Variants in LRRC4C observed in about 807,000 individuals in gnomAD.
LRRC4C encodes the protein leucine rich repeat containing 4C, also known as leucine-rich repeat-containing protein 4C.
LRRC4C carries 5 observed loss-of-function variants against 33.6 expected under a neutral mutation model. That is an observed-to-expected ratio of 0.15 (90% confidence interval 0.08 to 0.31). The LOEUF is 0.31. Ranked by LOEUF, LRRC4C falls within the 10% of genes least tolerant of loss-of-function variation. The pLI is 1.00. For synonymous variants in LRRC4C, 329 were observed against 302.0 expected (o/e 1.09, Z -0.93); for missense variants, 560 against 796.7 (o/e 0.70, Z 3.58).
chr11:40,901,595 T>G (rs972482012), intron 2 of LRRC4C, among the ~76,000 whole-genome samples: 4 of 152,076 alleles, frequency 2.6e-5, no homozygotes, highest in Admixed American at 1.3e-4. Context: ...GTTATTACCC[T>G]TATTAAATCC....
chr11:40,143,127 T>C (rs1407027975), intron 5 of LRRC4C, among the ~76,000 whole-genome samples: 2 of 152,190 alleles, frequency 1.3e-5, no homozygotes, highest in Non-Finnish European at 2.9e-5. Context: ...CTATCACCCA[T>C]GCATTGGAAA....
At chr11:41,059,233 A>G (rs1858883696) in intron 1 of LRRC4C, among the ~76,000 whole-genome samples, 1 of 38,690 alleles carries the variant, frequency 2.6e-5, no homozygotes, top group Non-Finnish European at 7.1e-5. Context: ...TTTAAGAAAA[A>G]GAGAAAGAAC....
chr11:41,455,078 T>G (rs1336969099), intron 1 of LRRC4C, among the ~76,000 whole-genome samples: 4 of 152,156 alleles, frequency 2.6e-5, no homozygotes, highest in Non-Finnish European at 5.9e-5. Context: ...AAGCCTGTTC[T>G]CAATACCATA....
chr11:40,762,297 C>G (rs1949252850), intron 2 of LRRC4C, among the ~76,000 whole-genome samples: 1 of 152,182 alleles, frequency 6.6e-6, no homozygotes, highest in South Asian at 2.1e-4. Context: ...GAGAATCTAA[C>G]TGTAGTTTAG....
chr11:40,963,613 T>C (rs1027029336), intron 1 of LRRC4C, among the ~76,000 whole-genome samples: 3 of 151,758 alleles, frequency 2.0e-5, no homozygotes, highest in Admixed American at 1.3e-4. Context: ...TTTCTGTGGG[T>C]CTATTATTAA....
intron 2 of LRRC4C, among the ~76,000 whole-genome samples, chr11:40,803,658 G>C (rs1283019487): frequency 6.6e-6 from 1 of 152,006 alleles, no homozygotes; most frequent in Non-Finnish European, 1.5e-5. Flanking sequence ...CTGTCACCCA[G>C]ATGGGGTTTC....
chr11:40,231,374 A>C (rs1865184456), intron 5 of LRRC4C, among the ~76,000 whole-genome samples: 1 of 152,224 alleles, frequency 6.6e-6, no homozygotes, highest in South Asian at 2.1e-4. Context: ...TATTTTTATT[A>C]TAATAATCAA....
chr11:41,008,866 C>T (rs1419305223), intron 1 of LRRC4C, among the ~76,000 whole-genome samples: 2 of 151,986 alleles, frequency 1.3e-5, no homozygotes, highest in African/African-American at 4.8e-5. Flanking sequence ...ATGGCTCCCC[C>T]ATCATTTCCA....
chr11:41,288,186 T>C (rs1480775014), intron 1 of LRRC4C, among the ~76,000 whole-genome samples: 2 of 152,186 alleles, frequency 1.3e-5, no homozygotes, highest in Non-Finnish European at 2.9e-5. Context: ...TTATCATAGT[T>C]CTCTGAAGAA....
Position 40,717,559 on chromosome 11 carries a change from C to T in LRRC4C, c.-406-69281G>A, listed in dbSNP as rs1360084545. ...AGAGGGTTGAAAATAACATGGGGTT[C>T]TTTTTTTGGGGGGGTACAGATTAGG... is the stretch of plus-strand genomic sequence containing the variant. On this transcript the variant is annotated intron_variant, in intron 2 of 6. Coordinates refer to ENST00000528697, the MANE Select transcript of LRRC4C (RefSeq NM_001258419.2). 4.6e-5 allele frequency among the ~76,000 whole-genome samples: 7 copies of T among 151,980 alleles called. No individual in the cohort carries two copies. In the East Asian group the frequency reaches 1.4e-3, roughly 29 times the overall value.
chr11:41,382,814 G>A lies in LRRC4C; in HGVS notation c.-496+76617C>T, dbSNP rs543928529. Among the ~76,000 whole-genome samples, 6 of 152,256 alleles carry A rather than the reference G, an allele frequency of 3.9e-5. No homozygotes were observed. The South Asian group carries it at 1.2e-3, about 32-fold the overall frequency. On this transcript the variant is annotated intron_variant, in intron 1 of 6. Coordinates refer to ENST00000528697, the MANE Select transcript of LRRC4C (RefSeq NM_001258419.2). ...AACATAGGTTTGCAAGCTGGATAGA[G>A]GACGTCTCTGGTGTGGGCTGAAGGT...
chr11:40,240,095 T>C (rs936650813), intron 5 of LRRC4C, among the ~76,000 whole-genome samples: 1 of 152,172 alleles, frequency 6.6e-6, no homozygotes, highest in African/African-American at 2.4e-5. Flanking sequence ...AATATTTCAT[T>C]TGCTTCCTGG....
At chr11:41,383,753 A>G (rs569630677) in intron 1 of LRRC4C, among the ~76,000 whole-genome samples, 40 of 152,114 alleles carry the variant, frequency 2.6e-4, no homozygotes, top group African/African-American at 8.9e-4. Flanking sequence ...AACATTTAAG[A>G]AATGCCAACA....
chr11:40,538,087 A>T (rs2135364658), intron 3 of LRRC4C, among the ~76,000 whole-genome samples: 1 of 152,232 alleles, frequency 6.6e-6, no homozygotes, highest in South Asian at 2.1e-4. Flanking sequence ...GCATAGGGGG[A>T]GTTTAAAAAA....
At chr11:40,189,258 T>A (rs1319922824) in intron 5 of LRRC4C, among the ~76,000 whole-genome samples, 1 of 148,736 alleles carries the variant, frequency 6.7e-6, no homozygotes, top group Non-Finnish European at 1.5e-5. Flanking sequence ...TAATGTTTTT[T>A]AAAAGCTGTT....
At chr11:40,336,834 G>A (rs1213792015) in intron 3 of LRRC4C, among the ~76,000 whole-genome samples, 2 of 151,790 alleles carry the variant, frequency 1.3e-5, no homozygotes, top group Non-Finnish European at 2.9e-5. Flanking sequence ...AAAATTAGTC[G>A]GGAGTGGCGG....
At chr11:40,330,130 C>G (rs904384388) in intron 3 of LRRC4C, among the ~76,000 whole-genome samples, 2 of 152,054 alleles carry the variant, frequency 1.3e-5, no homozygotes, top group Non-Finnish European at 2.9e-5. Flanking sequence ...AAGAGGTAGT[C>G]AAATTATGAA....
chr11:40,423,756 C>T (rs1245477123), intron 3 of LRRC4C, among the ~76,000 whole-genome samples: 1 of 152,100 alleles, frequency 6.6e-6, no homozygotes, highest in Non-Finnish European at 1.5e-5. Flanking sequence ...AATGTTGGAA[C>T]TACACTCATT....
At chr11:41,190,795 T>C (rs2136209356) in intron 1 of LRRC4C, among the ~76,000 whole-genome samples, 1 of 152,324 alleles carries the variant, frequency 6.6e-6, no homozygotes, top group South Asian at 2.1e-4. Flanking sequence ...TGGGTAATGA[T>C]GATGAAAGCC....
Sources: allele counts gnomAD v4.1 joint callset (sites outside exome capture counted in the v4.1 genomes callset), GRCh38; gene constraint gnomAD v4.1.1; transcripts MANE v1.5; gene names NCBI Gene and HGNC (gene_info 2026-07-23, HGNC 2026-07-21).